The following FOXP2 variants were observed in gnomAD, a reference collection of about 807,000 sequenced individuals.
FOXP2 encodes forkhead box P2, also known as forkhead box protein P2.
FOXP2 carries 12 observed loss-of-function variants against 115.8 expected under a neutral mutation model. The observed-to-expected ratio is 0.10, with a 90% CI of 0.07 to 0.17. The LOEUF (loss-of-function observed/expected upper bound fraction) is 0.17. Among genes scored for constraint, FOXP2 ranks in the 10% least tolerant of loss-of-function variants. The probability of loss-of-function intolerance (pLI) is 1.00; values close to 1 mark genes in which losing one functional copy is unlikely to be tolerated. For missense variants in FOXP2, 629 were observed against 843.5 expected, an observed-to-expected ratio of 0.75 and a Z score of 3.15; for synonymous variants, 328 against 297.7, an observed-to-expected ratio of 1.10 and a Z score of -1.05.
At position 114,486,587 on chromosome 7, in the gene FOXP2, C is replaced by A. The variant is rs1433493462; in HGVS notation, c.169-48030C>A. On this transcript the variant is annotated intron_variant, in intron 2 of 16. Coordinates refer to ENST00000350908, the MANE Select transcript of FOXP2 (RefSeq NM_014491.4). ...TAACTTAAACGTCCACAGTCCAAAG[C>A]CTCATCTGAGACAAGGCAAGTCCCT... Among the ~76,000 whole-genome samples the A allele has an allele frequency of 3.3e-5, 5 of 152,298 alleles. No individual in the cohort carries two copies. In the East Asian group the frequency reaches 9.6e-4, roughly 29 times the overall value.
chr7:114,642,804 ATATATATAT>A (rs1357294579), intron 7 of FOXP2, among the ~76,000 whole-genome samples, 181 bp downstream of exon 7: 6 of 13,272 alleles, frequency 4.5e-4, no homozygotes, highest in African/African-American at 7.5e-4. Context: ...ATATATATAT[ATATATATAT>A]TTTTTTTTTT....
chr7:114,472,855 G>A (rs769603610), intron 2 of FOXP2, among the ~76,000 whole-genome samples: 14 of 152,068 alleles, frequency 9.2e-5, no homozygotes, highest in Non-Finnish European at 1.9e-4. Context: ...GTGTGGGTAG[G>A]TGTGCATGTC....
intron 2 of FOXP2, among the ~76,000 whole-genome samples, chr7:114,337,941 A>G (rs2253478): frequency 0.59 from 88,968 of 150,742 alleles, 26,745 homozygotes; most frequent in East Asian, 0.84. Context: ...AAATGAAGGC[A>G]TATCTGTGTC....
chr7:114,495,512 T>TTTTTTTTTTTTTTTTTTTTTTTTTTC (rs1797276575), intron 2 of FOXP2, among the ~76,000 whole-genome samples: 1 of 134,550 alleles, frequency 7.4e-6, no homozygotes, highest in Admixed American at 7.5e-5. Context: ...TTTTTTTTTT[T>TTTTTTTTTTTTTTTTTTTTTTTTTTC]TGTTATTGTT....
intron 2 of FOXP2, among the ~76,000 whole-genome samples, chr7:114,352,367 GT>G (rs1189167035): frequency 5.9e-5 from 9 of 152,274 alleles, no homozygotes; most frequent in African/African-American, 2.2e-4. Context: ...TCTTCACATT[GT>G]GTTCACTTAA....
intron 16 of FOXP2, among the ~76,000 whole-genome samples, chr7:114,684,945 T>C (rs968857407): frequency 7.9e-5 from 12 of 152,168 alleles, no homozygotes; most frequent in African/African-American, 2.7e-4. Flanking sequence ...TATTGGCTAG[T>C]TCAATGAACC....
At chr7:114,688,242 CA>C (rs1563080167) in intron 16 of FOXP2, among the ~76,000 whole-genome samples, 3 of 79,334 alleles carry the variant, frequency 3.8e-5, no homozygotes, top group Admixed American at 2.4e-4. Flanking sequence ...CACACACACA[CA>C]CACATCTTTT....
At chr7:114,117,245 A>G (rs912408123) in intron 1 of FOXP2, among the ~76,000 whole-genome samples, 6 of 150,200 alleles carry the variant, frequency 4.0e-5, no homozygotes, top group African/African-American at 1.5e-4. Context: ...TTTTTGAAAC[A>G]GAGTCTCACT....
intron 2 of FOXP2, among the ~76,000 whole-genome samples, chr7:114,371,495 A>G (rs181399637): frequency 2.6e-5 from 4 of 152,274 alleles, no homozygotes; most frequent in African/African-American, 9.6e-5. Context: ...TTTTAAAAAG[A>G]TAAATATATG....
chr7:114,290,832 A>G (rs1048350932), intron 2 of FOXP2, among the ~76,000 whole-genome samples: 2 of 152,154 alleles, frequency 1.3e-5, no homozygotes, highest in Non-Finnish European at 2.9e-5. Flanking sequence ...TTGTCAATCT[A>G]GAGAATAGAG....
chr7:114,232,546 G>T (rs1483212390), intron 1 of FOXP2, among the ~76,000 whole-genome samples: 1 of 152,128 alleles, frequency 6.6e-6, no homozygotes, highest in Non-Finnish European at 1.5e-5. Context: ...CGGCAGGGTG[G>T]CTCATGCCTG....
intron 6 of FOXP2, among the ~76,000 whole-genome samples, chr7:114,636,877 A>G (rs1358930432): frequency 1.3e-5 from 2 of 152,148 alleles, no homozygotes; most frequent in African/African-American, 4.8e-5. Context: ...ATATGGGATT[A>G]AGGAATTATT....
intron 1 of FOXP2, among the ~76,000 whole-genome samples, chr7:114,152,984 A>G (rs921891035): frequency 6.6e-6 from 1 of 152,158 alleles, no homozygotes; most frequent in African/African-American, 2.4e-5. Flanking sequence ...TAACCTTGCT[A>G]TAGAATGACA....
chr7:114,405,549 T>A (rs1319868518), intron 2 of FOXP2, among the ~76,000 whole-genome samples: 1 of 151,848 alleles, frequency 6.6e-6, no homozygotes, highest in South Asian at 2.1e-4. Flanking sequence ...AGTAGGCAAG[T>A]AAAAGGTCAG....
intron 1 of FOXP2, among the ~76,000 whole-genome samples, chr7:114,176,298 T>TCTCTCTCTCTCTCTCTCTC (rs1554426475): frequency 7.8e-5 from 6 of 76,508 alleles, no homozygotes; most frequent in African/African-American, 3.3e-4. Context: ...CTTTCTTTCT[T>TCTCTCTCTCTCTCTCTCTC]TCTCTCTCTC....
chr7:114,692,124 G>A lies in FOXP2; in HGVS notation c.*2198G>A, dbSNP rs753374698. On this transcript the variant is annotated 3_prime_UTR_variant, in exon 17 of 17. Coordinates refer to ENST00000350908, the MANE Select transcript of FOXP2 (RefSeq NM_014491.4). ...TGAAAGATGGTTTTCAGTCATCTAG[G>A]ATCCTACTGTAAGGATTATCTGAAA... 4.2e-5 allele frequency: 19 copies of A among 453,732 alleles called. No homozygotes were observed. The highest frequency in any genetic ancestry group is 7.1e-5 in the Admixed American group (3 of 42,502). 28.1% of individuals were successfully genotyped at this position (453,732 alleles called of 1,614,324 possible).
intron 2 of FOXP2, among the ~76,000 whole-genome samples, chr7:114,326,607 A>T (rs1331484304): frequency 6.6e-6 from 1 of 152,150 alleles, no homozygotes; most frequent in African/African-American, 2.4e-5. Flanking sequence ...ATTCTCTAAT[A>T]TCTTTTGGTA....
intron 3 of FOXP2, among the ~76,000 whole-genome samples, chr7:114,566,013 T>C (rs1365487532): frequency 6.6e-6 from 1 of 152,122 alleles, no homozygotes; most frequent in Non-Finnish European, 1.5e-5. Flanking sequence ...AAGGATGAAG[T>C]TGTATGAATT....
intron 2 of FOXP2, among the ~76,000 whole-genome samples, chr7:114,501,892 A>G (rs879289442): frequency 2.0e-5 from 3 of 152,076 alleles, no homozygotes; most frequent in Non-Finnish European, 4.4e-5. Flanking sequence ...TCTTAGGGAA[A>G]TGAAAGAAAT....
Sources: allele counts gnomAD v4.1 joint callset (sites outside exome capture counted in the v4.1 genomes callset), GRCh38; gene constraint gnomAD v4.1.1; transcripts MANE v1.5; gene names NCBI Gene and HGNC (gene_info 2026-07-23, HGNC 2026-07-21).